TMPRSS15: variants seen among roughly 807,000 people sequenced by gnomAD.
TMPRSS15 encodes transmembrane serine protease 15, also known as enteropeptidase.
A neutral mutation model predicts 125.3 loss-of-function variants in TMPRSS15; 128 were observed. The observed-to-expected ratio is 1.02, with a 90% CI of 0.89 to 1.18. TMPRSS15 has a LOEUF of 1.18. Among genes scored for constraint, TMPRSS15 ranks in the 50% most tolerant of loss-of-function variants. TMPRSS15 has a pLI of 0.00. For missense variants in TMPRSS15, 1,283 were observed against 1,212.7 expected (o/e 1.06, Z -0.86); for synonymous variants, 446 against 423.2 (o/e 1.05, Z -0.66).
At chr21:18,414,771 A>C (rs769382125) in intron 1 of TMPRSS15, among the ~76,000 whole-genome samples, 3 of 152,142 alleles carry the variant, frequency 2.0e-5, no homozygotes, top group African/African-American at 2.4e-5. Flanking sequence ...AGGACACTTA[A>C]GTTGTTTCCA....
intron 1 of TMPRSS15, among the ~76,000 whole-genome samples, chr21:18,445,114 C>A (rs2076252130): frequency 6.6e-6 from 1 of 151,888 alleles, no homozygotes. Flanking sequence ...CAGAAATGAC[C>A]AAATTTCATT....
chr21:18,351,519 C>T (rs1210202664), intron 10 of TMPRSS15, among the ~76,000 whole-genome samples: 2 of 152,060 alleles, frequency 1.3e-5, no homozygotes, highest in African/African-American at 4.8e-5. Context: ...CCCACAAGAT[C>T]TGGTGGTTTT....
At chr21:18,288,013 AT>A (rs2074786245) in intron 21 of TMPRSS15, among the ~76,000 whole-genome samples, 1 of 152,228 alleles carries the variant, frequency 6.6e-6, no homozygotes, top group Admixed American at 6.5e-5. Flanking sequence ...AAATCAGTGT[AT>A]CAAAAAGATA....
At chr21:18,342,712 A>C (rs1043308857) in intron 12 of TMPRSS15, among the ~76,000 whole-genome samples, 2 of 152,206 alleles carry the variant, frequency 1.3e-5, no homozygotes, top group African/African-American at 4.8e-5. Flanking sequence ...AAAGAAGAAG[A>C]AAGAAGGAAA....
chr21:18,454,244 C>T (rs1006362738), intron 1 of TMPRSS15, among the ~76,000 whole-genome samples: 5 of 152,062 alleles, frequency 3.3e-5, no homozygotes, highest in Admixed American at 3.3e-4. Flanking sequence ...ATGTTGAATG[C>T]ATCATTTCTT....
At chr21:18,459,026 C>T (rs939238035) in intron 1 of TMPRSS15, among the ~76,000 whole-genome samples, 3 of 152,048 alleles carry the variant, frequency 2.0e-5, no homozygotes, top group Non-Finnish European at 2.9e-5. Context: ...CTAGCATTTA[C>T]GTTTAAGTCA....
chr21:18,388,581 G>T (rs1399441688), intron 3 of TMPRSS15, among the ~76,000 whole-genome samples: 1 of 152,096 alleles, frequency 6.6e-6, no homozygotes, highest in Non-Finnish European at 1.5e-5. Context: ...ATTTCACTAG[G>T]CAAAGCCCAA....
At chr21:18,299,397 A>G (rs2074940437) in intron 18 of TMPRSS15, among the ~76,000 whole-genome samples, 1 of 152,210 alleles carries the variant, frequency 6.6e-6, no homozygotes, top group African/African-American at 2.4e-5. Context: ...AGGACCTTGA[A>G]TTTCACCATT....
chr21:18,484,107 T>C (rs1202823876), intron 1 of TMPRSS15, among the ~76,000 whole-genome samples: 1 of 151,920 alleles, frequency 6.6e-6, no homozygotes, highest in Non-Finnish European at 1.5e-5. Flanking sequence ...CAGTATTCCA[T>C]TGTGTAATCA....
At chr21:18,310,243 A>G (rs2075085274) in intron 18 of TMPRSS15, among the ~76,000 whole-genome samples, 2 of 152,316 alleles carry the variant, frequency 1.3e-5, no homozygotes, top group South Asian at 4.1e-4. Context: ...AATAAAGGGC[A>G]TCCAAATTGG....
At chr21:18,392,532 T>C (rs534220222) in intron 3 of TMPRSS15, among the ~76,000 whole-genome samples, 2 of 152,272 alleles carry the variant, frequency 1.3e-5, no homozygotes, top group South Asian at 4.1e-4. Flanking sequence ...ATTCAACAAG[T>C]CTCTGAGAAG....
At position 18,275,210 on chromosome 21, in the gene TMPRSS15, A is replaced by G. The variant is rs2074604746; in HGVS notation, c.2891T>C (p.Ile964Thr). 6.2e-7 allele frequency: 1 copy of G among 1,613,888 alleles called. No individual in the cohort carries two copies. Among genetic ancestry groups the G allele is most frequent in the African/African-American group, 1.3e-5 (1 of 74,936 alleles). The part of the protein sequence containing the change: ...MICAGYEEGG[I>T]DSCQGDSGGP... ...TTACATCTTTACCTGACAAGAATCT[A>G]TTCCTCCTTCTTCATAGCCTGCACA... Residue 964 changes from isoleucine to threonine, a missense_variant, in exon 24 of 25, where the codon ATA becomes ACA. Physicochemically the swap from Ile to Thr is moderately conservative, Grantham distance 89. Transcript: ENST00000284885.
chr21:18,337,503 G>C (rs1445907713), intron 13 of TMPRSS15, among the ~76,000 whole-genome samples: 1 of 152,120 alleles, frequency 6.6e-6, no homozygotes, highest in Non-Finnish European at 1.5e-5. Context: ...TGTACTCAGC[G>C]CAATCCCCAC....
At chr21:18,394,232 A>G (rs923853463) in intron 3 of TMPRSS15, among the ~76,000 whole-genome samples, 2 of 152,140 alleles carry the variant, frequency 1.3e-5, no homozygotes, top group Non-Finnish European at 2.9e-5. Context: ...TTAGCAATTT[A>G]TGTTGTATTT....
chr21:18,315,814 G>A (rs1225852606), intron 16 of TMPRSS15, among the ~76,000 whole-genome samples: 2 of 146,484 alleles, frequency 1.4e-5, no homozygotes, highest in Non-Finnish European at 3.0e-5. Flanking sequence ...TGCACGTTGT[G>A]CACGTGTACC....
intron 18 of TMPRSS15, among the ~76,000 whole-genome samples, chr21:18,304,045 T>C (rs1324339132): frequency 6.6e-6 from 1 of 152,206 alleles, no homozygotes; most frequent in Non-Finnish European, 1.5e-5. Context: ...TTGCTATGGA[T>C]ATTTTTCACT....
intron 24 of TMPRSS15, among the ~76,000 whole-genome samples, chr21:18,272,362 C>CTGAT (rs1555889401): frequency 1.3e-5 from 2 of 151,880 alleles, no homozygotes; most frequent in Non-Finnish European, 2.9e-5. Context: ...CCTTAATTTT[C>CTGAT]TGATTTGTTC....
At chr21:18,278,727 C>CAA (rs2074651320) in intron 23 of TMPRSS15, among the ~76,000 whole-genome samples, 1 of 152,010 alleles carries the variant, frequency 6.6e-6, no homozygotes, top group African/African-American at 2.4e-5. Flanking sequence ...GTCTCAAAAA[C>CAA]AAACAAACAA....
chr21:18,312,697 T>C (rs933802643), intron 18 of TMPRSS15, among the ~76,000 whole-genome samples: 20 of 152,094 alleles, frequency 1.3e-4, no homozygotes, highest in African/African-American at 4.3e-4. Flanking sequence ...ATAAGTATTT[T>C]GTATAACAGA....
Sources: allele counts gnomAD v4.1 joint callset (sites outside exome capture counted in the v4.1 genomes callset), GRCh38; gene constraint gnomAD v4.1.1; transcripts MANE v1.5; gene names NCBI Gene and HGNC (gene_info 2026-07-23, HGNC 2026-07-21).